B3GNT2: variants seen among roughly 807,000 people sequenced by gnomAD.
The protein encoded by B3GNT2 is UDP-GlcNAc:betaGal beta-1,3-N-acetylglucosaminyltransferase 2, also known as N-acetyllactosaminide beta-1,3-N-acetylglucosaminyltransferase 2.
A neutral mutation model predicts 27.6 loss-of-function variants in B3GNT2; 12 were observed. That is an observed-to-expected ratio of 0.44 (90% confidence interval 0.28 to 0.71). The LOEUF is 0.71. B3GNT2 is among the 30% of genes least tolerant of loss of function. B3GNT2 has a pLI of 0.17. For synonymous variants in B3GNT2, 192 were observed against 189.7 expected (o/e 1.01, Z -0.10); for missense variants, 413 against 488.5 (o/e 0.85, Z 1.46).
rs546353645 is a variant in B3GNT2 at position 62,210,024 on chromosome 2, G to A, written c.-9-12188G>A. ...TAAACCATTGGGTGATTCCCGACTG[G>A]CCATTTTGTTGTCTACATTATTACT... On this transcript the variant is annotated intron_variant, in intron 1 of 1. Transcript: ENST00000301998. Among the ~76,000 whole-genome samples, 3 of 152,222 alleles carry A rather than the reference G, an allele frequency of 2.0e-5. No homozygotes were observed. In the South Asian group the frequency reaches 6.2e-4, roughly 32 times the overall value.
At chr2:62,197,578 C>A (rs915362041) in intron 1 of B3GNT2, among the ~76,000 whole-genome samples, 2 of 152,236 alleles carry the variant, frequency 1.3e-5, no homozygotes, top group Admixed American at 1.3e-4. Context: ...AAACTATATT[C>A]TTTTGCCCTT....
chr2:62,201,464 C>G (rs1241213471), intron 1 of B3GNT2, among the ~76,000 whole-genome samples: 1 of 152,200 alleles, frequency 6.6e-6, no homozygotes, highest in Non-Finnish European at 1.5e-5. Context: ...ATAATTATTT[C>G]AGAGGTGAAA....
chr2:62,216,789 TA>T (rs1278962540), intron 1 of B3GNT2, among the ~76,000 whole-genome samples: 1 of 152,154 alleles, frequency 6.6e-6, no homozygotes, highest in Non-Finnish European at 1.5e-5. Flanking sequence ...AAAAAAAAAT[TA>T]AAAACAGCCT....
chr2:62,213,092 G>T (rs546629226), intron 1 of B3GNT2, among the ~76,000 whole-genome samples: 1 of 151,970 alleles, frequency 6.6e-6, no homozygotes. Context: ...GCATTCCGGT[G>T]TTTTTTTTCT....
At chr2:62,219,915 T>C (rs988328606) in intron 1 of B3GNT2, among the ~76,000 whole-genome samples, 1 of 152,104 alleles carries the variant, frequency 6.6e-6, no homozygotes, top group African/African-American at 2.4e-5. Flanking sequence ...GGGGGAGTCA[T>C]GAGTCTCTAG....
intron 1 of B3GNT2, among the ~76,000 whole-genome samples, chr2:62,204,794 A>G (rs1230412612): frequency 6.6e-6 from 1 of 152,156 alleles, no homozygotes; most frequent in African/African-American, 2.4e-5. Context: ...CAAAGTTCTG[A>G]TGGATCGTCT....
At chr2:62,204,742 T>TG (rs1156805259) in intron 1 of B3GNT2, among the ~76,000 whole-genome samples, 4 of 152,264 alleles carry the variant, frequency 2.6e-5, no homozygotes, top group Non-Finnish European at 2.9e-5. Context: ...ATACTCCTAT[T>TG]TTTAACTGAA....
rs77626683 is a variant in B3GNT2 at position 62,224,189 on chromosome 2, C to T, written c.*775C>T. ...ATTGAATTGCCGCTAACAACCATAT[C>T]GTGTTAGTGAATTTTCAATATGGAC... On this transcript the variant is annotated 3_prime_UTR_variant, in exon 2 of 2. Coordinates refer to ENST00000301998, the MANE Select transcript of B3GNT2 (RefSeq NM_006577.6). 1 of 167,108 alleles carries T rather than the reference C, an allele frequency of 6.0e-6. No individual in the cohort carries two copies. The highest frequency in any genetic ancestry group is 2.4e-5 in the African/African-American group (1 of 41,546). 10.4% of individuals were successfully genotyped at this position (167,108 alleles called of 1,614,324 possible). A position where few individuals can be genotyped will look rare whatever the true frequency, so the allele number is the denominator to read the frequency against.
intron 1 of B3GNT2, among the ~76,000 whole-genome samples, chr2:62,217,365 G>C (rs1027812791): frequency 1.3e-5 from 2 of 152,142 alleles, no homozygotes; most frequent in African/African-American, 4.8e-5. Flanking sequence ...TCAGTCACTT[G>C]TCCACCCACC....
Position 62,222,496 on chromosome 2 carries a change from T to C in B3GNT2, c.276T>C (p.His92=), listed in dbSNP as rs1347565902. ...GEAGRLSNIS[H]LNYCEPDLRV... ...CGGGCAGGCTCTCCAATATAAGCCA[T>C]CTGAACTACTGCGAACCTGACCTGA... The change falls in exon 2 of 2, where the codon CAT becomes CAC. Residue 92 remains histidine, a synonymous_variant. Coordinates refer to ENST00000301998, the MANE Select transcript of B3GNT2 (RefSeq NM_006577.6). The surrounding 1 kb of genome is among the most constrained non-coding windows in gnomAD (Gnocchi z 4.2). 6.2e-7 allele frequency: 1 copy of C among 1,614,006 alleles called. No individual in the cohort carries two copies. The highest frequency in any genetic ancestry group is 8.5e-7 in the Non-Finnish European group (1 of 1,180,024).
chr2:62,220,749 GA>G (rs147598498), intron 1 of B3GNT2, among the ~76,000 whole-genome samples: 11,554 of 152,158 alleles, frequency 0.076, 1,495 homozygotes, highest in African/African-American at 0.26. Flanking sequence ...AACCTGATAA[GA>G]AAATCTTCAG....
At chr2:62,207,592 G>C (rs537742545) in intron 1 of B3GNT2, among the ~76,000 whole-genome samples, 11 of 152,192 alleles carry the variant, frequency 7.2e-5, no homozygotes, top group Non-Finnish European at 1.3e-4. Flanking sequence ...GGATATGCGA[G>C]ATGGTTTCGG....
intron 1 of B3GNT2, among the ~76,000 whole-genome samples, chr2:62,215,268 T>C (rs1047949639): frequency 2.0e-5 from 3 of 152,200 alleles, no homozygotes. Flanking sequence ...TAGCTGACAA[T>C]AGTTCTGTGA....
intron 1 of B3GNT2, among the ~76,000 whole-genome samples, chr2:62,204,782 T>C (rs1340762260): frequency 6.6e-6 from 1 of 152,256 alleles, no homozygotes; most frequent in Non-Finnish European, 1.5e-5. Flanking sequence ...ACTTTTATTC[T>C]TCAAAGTTCT....
intron 1 of B3GNT2, among the ~76,000 whole-genome samples, chr2:62,220,717 A>G (rs1186752199): frequency 6.6e-6 from 1 of 151,822 alleles, no homozygotes; most frequent in African/African-American, 2.4e-5. Context: ...ATAGTACCTA[A>G]GGATAAATTC....
At chr2:62,214,107 G>A (rs146925219) in intron 1 of B3GNT2, among the ~76,000 whole-genome samples, 1 of 152,304 alleles carries the variant, frequency 6.6e-6, no homozygotes, top group East Asian at 1.9e-4. Flanking sequence ...AAGAAGTGAT[G>A]AAACCCTGAG....
intron 1 of B3GNT2, among the ~76,000 whole-genome samples, chr2:62,221,192 G>C (rs1189186746): frequency 6.6e-6 from 1 of 152,130 alleles, no homozygotes; most frequent in African/African-American, 2.4e-5. Context: ...GAAAATTTGG[G>C]TCTGGCCTTC....
At position 62,200,429 on chromosome 2, in the gene B3GNT2, C is replaced by G. The variant is rs139963377; in HGVS notation, c.-10+4074C>G. 2.0e-3 allele frequency among the ~76,000 whole-genome samples: 310 copies of G among 152,212 alleles called. 3 individuals are homozygous for G. In the East Asian group the frequency reaches 0.021, roughly 10 times the overall value. ...TTCATTCTGATATGAGTAGGATGTA[C>G]GTAGCTTACCAGAATGTTTGAAAAA... On this transcript the variant is annotated intron_variant, in intron 1 of 1. Transcript: ENST00000301998.
In B3GNT2 at chr2:62,222,793, C is replaced by T; in HGVS notation, c.573C>T (p.His191=). 1 of 1,614,202 alleles carries T rather than the reference C, an allele frequency of 6.2e-7. No individual in the cohort carries two copies. Among genetic ancestry groups the T allele is most frequent in the Non-Finnish European group, 8.5e-7 (1 of 1,180,042 alleles). Residue 191 remains histidine, a synonymous_variant, in exon 2 of 2, where the codon CAC becomes CAT. Transcript: ENST00000301998. The surrounding 1 kb of genome is among the most constrained non-coding windows in gnomAD (Gnocchi z 4.2). ...LLGQTPPEDN[H]PDLSDMLKFE... is the part of the protein sequence containing the mutation. Reference sequence around the variant, plus strand: ...GCCAGACACCCCCAGAGGACAACCACCCCGACCTTTCAGATATGCTGAAAT... The same window carrying T: ...GCCAGACACCCCCAGAGGACAACCATCCCGACCTTTCAGATATGCTGAAAT...
Sources: gnomAD v4.1 joint callset for allele counts (sites outside exome capture counted in the v4.1 genomes callset) on GRCh38, gnomAD v4.1.1 for gene constraint, Gnocchi (gnomAD v3.1) non-coding constraint, MANE v1.5 for transcripts, NCBI Gene and HGNC (gene_info 2026-07-23, HGNC 2026-07-21) for gene names.